Variants in RALYL observed in about 807,000 individuals in gnomAD.
The protein encoded by RALYL is RNA-binding Raly-like protein.
Under a neutral mutation model 35.1 loss-of-function variants are expected in RALYL, and 29 were observed. That is an observed-to-expected ratio of 0.83 (90% confidence interval 0.61 to 1.13). The LOEUF is 1.13. Among genes scored for constraint, RALYL ranks in the 50% most tolerant of loss-of-function variants. RALYL has a pLI of 0.00. For missense variants in RALYL, 359 were observed against 360.4 expected (o/e 1.00, Z 0.03); for synonymous variants, 120 against 127.6 (o/e 0.94, Z 0.40).
chr8:84,900,945 T>C (rs2135557277), intron 8 of RALYL, among the ~76,000 whole-genome samples: 1 of 152,080 alleles, frequency 6.6e-6, no homozygotes, highest in South Asian at 2.1e-4. Flanking sequence ...GGGTAACTAG[T>C]GGAAAAGTAC....
At chr8:84,814,121 T>C (rs1300226982) in intron 4 of RALYL, among the ~76,000 whole-genome samples, 2 of 152,164 alleles carry the variant, frequency 1.3e-5, no homozygotes, top group African/African-American at 2.4e-5. Context: ...AAGATTTAGA[T>C]AATAATTTAT....
chr8:84,632,121 C>A (rs1459231848), intron 2 of RALYL, among the ~76,000 whole-genome samples: 1 of 151,742 alleles, frequency 6.6e-6, no homozygotes, highest in African/African-American at 2.4e-5. Context: ...GCTCATTATC[C>A]CCTCCCACCA....
chr8:84,492,143 A>G (rs2055388808), intron 1 of RALYL, among the ~76,000 whole-genome samples: 1 of 152,038 alleles, frequency 6.6e-6, no homozygotes, highest in African/African-American at 2.4e-5. Flanking sequence ...ATTTGAATAT[A>G]GTGTACAATA....
At chr8:84,795,460 A>G (rs1036195928) in intron 3 of RALYL, among the ~76,000 whole-genome samples, 12 of 152,350 alleles carry the variant, frequency 7.9e-5, no homozygotes, top group Non-Finnish European at 1.3e-4. Flanking sequence ...AGGATTAAAT[A>G]TGTGAAAATG....
chr8:84,333,822 A>T (rs1159648318), intron 1 of RALYL, among the ~76,000 whole-genome samples: 2 of 152,220 alleles, frequency 1.3e-5, no homozygotes, highest in African/African-American at 2.4e-5. Flanking sequence ...TAAATTAATT[A>T]ATTTATTTAT....
intron 2 of RALYL, among the ~76,000 whole-genome samples, chr8:84,540,201 C>G (rs1048910685): frequency 6.6e-6 from 1 of 151,694 alleles, no homozygotes; most frequent in Non-Finnish European, 1.5e-5. Flanking sequence ...GTACTCATTT[C>G]TTTCCTTGCT....
intron 4 of RALYL, among the ~76,000 whole-genome samples, chr8:84,805,828 T>G (rs1016881131): frequency 7.2e-5 from 11 of 152,230 alleles, no homozygotes; most frequent in Non-Finnish European, 1.6e-4. Context: ...CATATTAAAG[T>G]GTATTATGAA....
At chr8:84,825,382 T>G (rs1057059024) in intron 4 of RALYL, among the ~76,000 whole-genome samples, 3 of 152,096 alleles carry the variant, frequency 2.0e-5, no homozygotes, top group African/African-American at 7.2e-5. Context: ...AAGGGAACAT[T>G]CATACACTGT....
chr8:84,590,448 C>T (rs1812980436), intron 2 of RALYL, among the ~76,000 whole-genome samples: 1 of 152,134 alleles, frequency 6.6e-6, no homozygotes, highest in Admixed American at 6.5e-5. Flanking sequence ...GAACTGAAAA[C>T]TTGTGTATTT....
intron 1 of RALYL, among the ~76,000 whole-genome samples, chr8:84,367,724 A>G (rs2131371217): frequency 6.6e-6 from 1 of 152,216 alleles, no homozygotes; most frequent in Admixed American, 6.5e-5. Flanking sequence ...ACACTTTTAT[A>G]GTATCTTTCA....
chr8:84,238,378 C>T (rs1471033324), intron 1 of RALYL, among the ~76,000 whole-genome samples: 9 of 150,846 alleles, frequency 6.0e-5, no homozygotes, highest in East Asian at 3.9e-4. Context: ...TTTTTTTCTC[C>T]GAAGACTCAA....
At chr8:84,405,240 T>C (rs554665658) in intron 1 of RALYL, among the ~76,000 whole-genome samples, 1 of 152,282 alleles carries the variant, frequency 6.6e-6, no homozygotes, top group African/African-American at 2.4e-5. Context: ...TTTATAGCAC[T>C]AAATGCCCAC....
At chr8:84,383,792 A>G (rs1410475363) in intron 1 of RALYL, among the ~76,000 whole-genome samples, 1 of 151,360 alleles carries the variant, frequency 6.6e-6, no homozygotes, top group African/African-American at 2.4e-5. Flanking sequence ...TAAAAAAAAA[A>G]AAAAAGTGGC....
chr8:84,311,703 A>G (rs1842848930), intron 1 of RALYL, among the ~76,000 whole-genome samples: 1 of 152,162 alleles, frequency 6.6e-6, no homozygotes, highest in African/African-American at 2.4e-5. Flanking sequence ...AAAAGAATAA[A>G]TAACTAAAAT....
chr8:84,302,533 A>C (rs764776800), intron 1 of RALYL, among the ~76,000 whole-genome samples: 61 of 152,130 alleles, frequency 4.0e-4, no homozygotes, highest in Non-Finnish European at 1.9e-4. Flanking sequence ...TTAATTTGGA[A>C]ATTTTATCCT....
intron 1 of RALYL, among the ~76,000 whole-genome samples, chr8:84,358,510 G>T (rs1199450936): frequency 6.6e-6 from 1 of 152,008 alleles, no homozygotes; most frequent in Non-Finnish European, 1.5e-5. Context: ...AAGTAAGATT[G>T]ATTAGTAAAA....
At position 84,873,275 on chromosome 8, in the gene RALYL, A is replaced by T. The variant is rs761998081; in HGVS notation, c.572-9A>T. ...CTCTGTTGTTTTCTTCCTTCTTTCT[A>T]CTTTCCAGTGAAATCAGATGAGTTA... On this transcript the variant is annotated splice_polypyrimidine_tract_variant and intron_variant, in intron 6 of 8. Transcript: ENST00000521268. 6.7e-7 allele frequency: 1 copy of T among 1,484,620 alleles called. No homozygotes were observed. The highest frequency in any genetic ancestry group is 9.3e-7 in the Non-Finnish European group (1 of 1,078,848). 92.0% of individuals were successfully genotyped at this position (1,484,620 alleles called of 1,614,324 possible).
intron 2 of RALYL, among the ~76,000 whole-genome samples, chr8:84,554,624 A>G (rs1018286443): frequency 1.3e-5 from 2 of 152,260 alleles, no homozygotes; most frequent in African/African-American, 4.8e-5. Context: ...GCACCTGGTA[A>G]TTTCTGGGAT....
intron 1 of RALYL, among the ~76,000 whole-genome samples, chr8:84,269,929 C>T (rs926431691): frequency 6.6e-6 from 1 of 151,480 alleles, no homozygotes; most frequent in African/African-American, 2.4e-5. Flanking sequence ...TTAACATTTC[C>T]AAAATTTTAA....
Sources: allele counts gnomAD v4.1 joint callset (sites outside exome capture counted in the v4.1 genomes callset), GRCh38; gene constraint gnomAD v4.1.1; transcripts MANE v1.5; gene names NCBI Gene and HGNC (gene_info 2026-07-23, HGNC 2026-07-21).